Variants in DCLK1 observed in about 807,000 individuals in gnomAD.
The protein encoded by DCLK1 is doublecortin like kinase 1.
Under a neutral mutation model 86.2 loss-of-function variants are expected in DCLK1, and 16 were observed. That is an observed-to-expected ratio of 0.19 (90% confidence interval 0.13 to 0.28). DCLK1 has a LOEUF of 0.28. DCLK1 is among the 10% of genes least tolerant of loss of function. The probability of loss-of-function intolerance (pLI) is 1.00; values close to 1 mark genes in which losing one functional copy is unlikely to be tolerated. For missense variants in DCLK1, 590 were observed against 940.2 expected, an observed-to-expected ratio of 0.63 and a Z score of 4.87; for synonymous variants, 369 against 370.5, an observed-to-expected ratio of 1.00 and a Z score of 0.05.
chr13:35,933,406 A>T (rs182887583), intron 4 of DCLK1, among the ~76,000 whole-genome samples: 1 of 152,180 alleles, frequency 6.6e-6, no homozygotes, highest in Non-Finnish European at 1.5e-5. Context: ...GAGGGCTCTG[A>T]CCCCACATTT....
At chr13:35,951,658 T>C (rs1877700726) in intron 3 of DCLK1, among the ~76,000 whole-genome samples, 1 of 151,924 alleles carries the variant, frequency 6.6e-6, no homozygotes, top group Non-Finnish European at 1.5e-5. Flanking sequence ...CATCACCTCT[T>C]CTTTTCTAGT....
At chr13:36,100,057 G>A (rs908478577) in intron 3 of DCLK1, among the ~76,000 whole-genome samples, 9 of 151,370 alleles carry the variant, frequency 5.9e-5, no homozygotes, top group Admixed American at 3.3e-4. Flanking sequence ...ATAAGAAAAC[G>A]ATTGGCCGGG....
chr13:36,042,734 T>A (rs751561736), intron 3 of DCLK1, among the ~76,000 whole-genome samples: 1 of 152,184 alleles, frequency 6.6e-6, no homozygotes, highest in Non-Finnish European at 1.5e-5. Flanking sequence ...TGGTTCTGAC[T>A]CACACACTCT....
At chr13:36,046,703 T>C (rs1390565301) in intron 3 of DCLK1, among the ~76,000 whole-genome samples, 1 of 152,218 alleles carries the variant, frequency 6.6e-6, no homozygotes, top group Non-Finnish European at 1.5e-5. Context: ...TCATTTCCCA[T>C]TTTTAGTAAC....
At chr13:35,794,631 C>T (rs974866057) in intron 15 of DCLK1, among the ~76,000 whole-genome samples, 7 of 152,148 alleles carry the variant, frequency 4.6e-5, no homozygotes, top group African/African-American at 9.7e-5. Flanking sequence ...GGGGGAGAAA[C>T]GATGGCGAGC....
chr13:35,875,553 C>T (rs528418391), intron 4 of DCLK1, among the ~76,000 whole-genome samples: 1 of 152,310 alleles, frequency 6.6e-6, no homozygotes, highest in South Asian at 2.1e-4. Context: ...TTCTGTGAGG[C>T]AGCTCTTCTT....
intron 3 of DCLK1, among the ~76,000 whole-genome samples, chr13:36,020,735 GA>G (rs146053675): frequency 0.13 from 19,079 of 147,758 alleles, 1,665 homozygotes; most frequent in African/African-American, 0.25. Flanking sequence ...GGTGCTGAAA[GA>G]AAAAAAAAAC....
chr13:36,047,072 A>G (rs1882941573), intron 3 of DCLK1, among the ~76,000 whole-genome samples: 1 of 152,260 alleles, frequency 6.6e-6, no homozygotes, highest in Admixed American at 6.5e-5. Context: ...CAACAGGTAT[A>G]CAAAAATATG....
intron 3 of DCLK1, among the ~76,000 whole-genome samples, chr13:36,001,755 A>G (rs1880732262): frequency 6.6e-6 from 1 of 152,202 alleles, no homozygotes; most frequent in Non-Finnish European, 1.5e-5. Context: ...CCTTTTAGTT[A>G]AGTTTTTATT....
At position 35,803,167 on chromosome 13, in the gene DCLK1, T is replaced by A. The variant is rs142757816; in HGVS notation, c.1944+2532A>T. Among the ~76,000 whole-genome samples the A allele has an allele frequency of 1.6e-3, 246 of 152,348 alleles. 1 individual carries two copies. Among genetic ancestry groups the A allele is most frequent in the African/African-American group, 5.9e-3 (244 of 41,576 alleles). On this transcript the variant is annotated intron_variant, in intron 15 of 16. Coordinates refer to ENST00000360631, the MANE Select transcript of DCLK1 (RefSeq NM_001330071.2). ...ATTCTGGCTCAACTGCAAGCTTGGC[T>A]ACTTTGAGAAAATCACCCTGCATAG...
At chr13:35,876,347 A>G (rs994271749) in intron 4 of DCLK1, among the ~76,000 whole-genome samples, 3 of 152,222 alleles carry the variant, frequency 2.0e-5, no homozygotes, top group African/African-American at 7.2e-5. Context: ...TGAATAACAA[A>G]AACAGAAACA....
rs9574699 is a variant in DCLK1 at position 35,827,772 on chromosome 13, T to G, written c.1288-18A>C. On this transcript the variant is annotated intron_variant, in intron 9 of 16. Coordinates refer to ENST00000360631, the MANE Select transcript of DCLK1 (RefSeq NM_001330071.2). Reference sequence around the variant, plus strand: ...ATGTGCTCCTGTCCAAAGGAAAAGTTATCTTCATCAGCTTCCATAAAACAT... The same window carrying G: ...ATGTGCTCCTGTCCAAAGGAAAAGTGATCTTCATCAGCTTCCATAAAACAT... 209 of 1,612,258 alleles carry G rather than the reference T, an allele frequency of 1.3e-4. No homozygotes were observed. Among genetic ancestry groups the G allele is most frequent in the Non-Finnish European group, 1.7e-4 (197 of 1,179,686 alleles).
intron 16 of DCLK1, among the ~76,000 whole-genome samples, chr13:35,780,193 A>G (rs1419579495): frequency 2.0e-5 from 3 of 152,174 alleles, no homozygotes; most frequent in African/African-American, 7.2e-5. Context: ...GACATCAAGC[A>G]AATAGGGTCT....
intron 3 of DCLK1, among the ~76,000 whole-genome samples, chr13:35,998,523 TC>T (rs1880573447): frequency 6.6e-6 from 1 of 152,030 alleles, no homozygotes; most frequent in Admixed American, 6.6e-5. Context: ...ATTAAGCCAC[TC>T]AGAATCATCA....
At chr13:35,809,303 G>A (rs2087094784) in intron 12 of DCLK1, among the ~76,000 whole-genome samples, 1 of 152,134 alleles carries the variant, frequency 6.6e-6, no homozygotes, top group Non-Finnish European at 1.5e-5. Flanking sequence ...AGACCAAGGT[G>A]CAGGAATAAA....
intron 3 of DCLK1, among the ~76,000 whole-genome samples, chr13:36,045,368 A>ATATC (rs1555358862): frequency 1.1e-5 from 1 of 94,926 alleles, no homozygotes; most frequent in South Asian, 3.1e-4. Flanking sequence ...ATATATATAT[A>ATATC]TATATATATT....
intron 3 of DCLK1, among the ~76,000 whole-genome samples, chr13:36,040,623 G>A (rs1227951896): frequency 6.6e-6 from 1 of 151,660 alleles, no homozygotes; most frequent in Non-Finnish European, 1.5e-5. Flanking sequence ...TTTCTATACT[G>A]TACTCTTTGG....
chr13:35,916,517 C>T (rs559124626), intron 4 of DCLK1, among the ~76,000 whole-genome samples: 2 of 152,270 alleles, frequency 1.3e-5, no homozygotes, highest in Admixed American at 6.5e-5. Flanking sequence ...ACAGCAGAGG[C>T]GCAACACATT....
chr13:35,912,844 C>T lies in DCLK1; in HGVS notation c.823+34514G>A, dbSNP rs573874987. On this transcript the variant is annotated intron_variant, in intron 4 of 16. Coordinates refer to ENST00000360631, the MANE Select transcript of DCLK1 (RefSeq NM_001330071.2). ...ATAACACACCACTGTCCACGGACAGCAGAGCTAAGATAGCATTGTAACACA... is the reference window on the plus strand; with the variant it reads ...ATAACACACCACTGTCCACGGACAGTAGAGCTAAGATAGCATTGTAACACA... 3.7e-4 allele frequency among the ~76,000 whole-genome samples: 56 copies of T among 152,268 alleles called. No individual in the cohort carries two copies. The Middle Eastern group carries it at 0.017, about 46-fold the overall frequency.
Sources: gnomAD v4.1 joint callset for allele counts (sites outside exome capture counted in the v4.1 genomes callset) on GRCh38, gnomAD v4.1.1 for gene constraint, MANE v1.5 for transcripts, NCBI Gene and HGNC (gene_info 2026-07-23, HGNC 2026-07-21) for gene names.